Variants in ABCD4 observed in about 807,000 individuals in gnomAD.
ABCD4 encodes ATP binding cassette subfamily D member 4.
A neutral mutation model predicts 86.3 loss-of-function variants in ABCD4; 53 were observed. The observed-to-expected ratio is 0.61, with a 90% CI of 0.49 to 0.77. The LOEUF (loss-of-function observed/expected upper bound fraction) is 0.77. ABCD4 is among the 30% of genes least tolerant of loss of function. The pLI, the probability that ABCD4 is intolerant of heterozygous loss-of-function variation, is 0.00. For missense variants in ABCD4, 757 were observed against 764.5 expected (o/e 0.99, Z 0.12); for synonymous variants, 328 against 313.6 (o/e 1.05, Z -0.49).
intron 13 of ABCD4, chr14:74,289,722 C>A: frequency 7.0e-7 from 1 of 1,435,878 alleles, no homozygotes; most frequent in Non-Finnish European, 9.1e-7. Flanking sequence ...TTAGGGGGAA[C>A]AGTCTGACAG....
Position 74,286,394 on chromosome 14 carries a change from T to A in ABCD4, c.*67A>T. Reference sequence around the variant, plus strand: ...ACCTGAGCTCGATCTTCGCTGTCAGTCCTCCTGGTCTCTCCTGAGGGCCGC... The same window carrying A: ...ACCTGAGCTCGATCTTCGCTGTCAGACCTCCTGGTCTCTCCTGAGGGCCGC... On this transcript the variant is annotated 3_prime_UTR_variant, in exon 19 of 19. Transcript: ENST00000356924. 6.4e-7 allele frequency: 1 copy of A among 1,554,164 alleles called. No individual in the cohort carries two copies. Among genetic ancestry groups the A allele is most frequent in the Non-Finnish European group, 8.9e-7 (1 of 1,127,514 alleles).
In ABCD4 at chr14:74,293,256, G is replaced by T; in HGVS notation, c.720-8C>A. 6.2e-7 allele frequency: 1 copy of T among 1,613,896 alleles called. No individual in the cohort carries two copies. Among genetic ancestry groups the T allele is most frequent in the Non-Finnish European group, 8.5e-7 (1 of 1,179,850 alleles). On this transcript the variant is annotated splice_polypyrimidine_tract_variant and splice_region_variant and intron_variant, in intron 7 of 18. Coordinates refer to ENST00000356924, the MANE Select transcript of ABCD4 (RefSeq NM_005050.4). ...TGCTCCACATGCCCAGCTCTGACAA[G>T]GAAAGGCTGGGATGTCCACAGGGCT...
chr14:74,299,385 T>A, intron 3 of ABCD4, 163 bp downstream of exon 3: 1 of 864,890 alleles, frequency 1.2e-6, no homozygotes, highest in Non-Finnish European at 1.8e-6. Context: ...AATAGCAAGA[T>A]CAACGTGCTT....
rs749181341 is a variant in ABCD4, at chr14:74,302,916, C to T, written c.-4G>A. 4 of 1,608,206 alleles carry T rather than the reference C, an allele frequency of 2.5e-6. No homozygotes were observed. The highest frequency in any genetic ancestry group is 3.4e-6 in the Non-Finnish European group (4 of 1,177,666). ...GCGCGGGCCCCGCGACCGCCATGAC[C>T]TGAGACCCGAGGGACTCTGGAGCCC... is the stretch of plus-strand genomic sequence containing the variant. On this transcript the variant is annotated 5_prime_UTR_variant, in exon 1 of 19. Coordinates refer to ENST00000356924, the MANE Select transcript of ABCD4 (RefSeq NM_005050.4).
intron 15 of ABCD4, chr14:74,288,511 T>C: frequency 1.5e-6 from 1 of 669,874 alleles, no homozygotes; most frequent in Non-Finnish European, 2.5e-6. Flanking sequence ...AATCCTATTC[T>C]TGTTTTAAAA....
intron 5 of ABCD4, 127 bp from the exon 6 acceptor site, chr14:74,296,106 C>A (rs2082778665): frequency 7.6e-7 from 1 of 1,320,210 alleles, no homozygotes; most frequent in African/African-American, 1.5e-5. Flanking sequence ...AATGGGCCCT[C>A]TGCTCCTATG....
At chr14:74,291,448 C>T (rs1418816370) in intron 11 of ABCD4, among the ~76,000 whole-genome samples, 10 of 152,168 alleles carry the variant, frequency 6.6e-5, no homozygotes, top group African/African-American at 2.2e-4. Context: ...AATTCTAATG[C>T]TGGTGGGTCT....
chr14:74,299,425 G>A, intron 3 of ABCD4, 123 bp downstream of exon 3: 1 of 1,273,560 alleles, frequency 7.9e-7, no homozygotes, highest in Non-Finnish European at 1.1e-6. Flanking sequence ...TTAGTTCCCA[G>A]AAAAGGGAGG....
rs1265630293 is a variant in ABCD4, at chr14:74,297,964, T to C, written c.391A>G (p.Thr131Ala). The change falls in exon 4 of 19, where the codon ACC becomes GCC. Residue 131 changes from threonine to alanine, a missense_variant. Thr to Ala is a moderately conservative substitution (Grantham distance 58). Transcript: ENST00000356924. Reference sequence around the variant, plus strand: ...ATGTCATCCCGCAGCACGTTGAGGGTGTAGTACGCACGGCCCCGGAAGTAG... The same window carrying C: ...ATGTCATCCCGCAGCACGTTGAGGGCGTAGTACGCACGGCCCCGGAAGTAG... The part of the protein sequence containing the change: ...RLYFRGRAYY[T>A]LNVLRDDIDN... 1 of 1,613,798 alleles carries C rather than the reference T, an allele frequency of 6.2e-7. No homozygotes were observed. The highest frequency in any genetic ancestry group is 1.7e-5 in the Admixed American group (1 of 59,920).
rs201586690 is a variant in ABCD4 at position 74,290,301 on chromosome 14, C to T, written c.1317G>A (p.Thr439=). ...GGGCCTGGCTCTCACCCCGTGTACT[C>T]GTCCAGAGGCCACCCAGAACCCGGA... ...SLLRVLGGLW[T]STRGSVQMLT... Residue 439 remains threonine (T), a synonymous_variant, in exon 12 of 19, where the codon ACG becomes ACA. Transcript: ENST00000356924. 7.4e-6 allele frequency: 12 copies of T among 1,614,200 alleles called. No homozygotes were observed. Among genetic ancestry groups the T allele is most frequent in the East Asian group, 2.2e-5 (1 of 44,890 alleles).
intron 10 of ABCD4, 78 bp downstream of exon 10, chr14:74,292,471 CTG>C: frequency 6.3e-7 from 1 of 1,591,086 alleles, no homozygotes; most frequent in Non-Finnish European, 8.6e-7. Context: ...TGGTATGTCT[CTG>C]TTCCTTTTTT....
chr14:74,292,087 C>CG lies in ABCD4; in HGVS notation c.1118+199dup, dbSNP rs11410918. On this transcript the variant is annotated intron_variant, in intron 11 of 18. Transcript: ENST00000356924. Reference sequence around the variant, plus strand: ...GTGTGTGTACTTTGCTTCCACTGGCCGGGGAATGGTGTAAATTAACACAAC... The same window carrying CG: ...GTGTGTGTACTTTGCTTCCACTGGCCGGGGGAATGGTGTAAATTAACACAAC... 0.065 allele frequency among the ~76,000 whole-genome samples: 9,836 copies of CG among 152,094 alleles called. 1,077 individuals carry two copies. Among genetic ancestry groups the CG allele is most frequent in the African/African-American group, 0.22 (9,324 of 41,442 alleles).
At chr14:74,299,252 C>T (rs1004561450) in intron 3 of ABCD4, 11 of 263,380 alleles carry the variant, frequency 4.2e-5, no homozygotes, top group African/African-American at 6.7e-5. Flanking sequence ...AATGAGCTGC[C>T]GGAAATAAGA....
Position 74,286,509 on chromosome 14 carries a change from T to C in ABCD4, c.1773A>G (p.Lys591=). 6.2e-7 allele frequency: 1 copy of C among 1,614,076 alleles called. No homozygotes were observed. Among genetic ancestry groups the C allele is most frequent in the Non-Finnish European group, 8.5e-7 (1 of 1,180,006 alleles). ...GCTCCCATCTTCCTCCTCCACAGAG[T>C]TTCAGAACCAAGGAATGAAACTACA... ...SLEKFHSLVL[K]LCGGGRWELM... The change falls in exon 19 of 19, where the codon AAA becomes AAG. Residue 591 remains lysine, a synonymous_variant. Transcript: ENST00000356924.
At chr14:74,291,229 GC>G (rs2081402854) in intron 11 of ABCD4, among the ~76,000 whole-genome samples, 1 of 152,208 alleles carries the variant, frequency 6.6e-6, no homozygotes, top group Non-Finnish European at 1.5e-5. Flanking sequence ...GTTTAAGCCA[GC>G]CGGTTTGTGG....
Position 74,287,886 on chromosome 14 carries a change from C to T in ABCD4, c.1560G>A (p.Trp520Ter). The T allele has an allele frequency of 6.2e-7, 1 of 1,612,438 alleles. No homozygotes were observed. Among genetic ancestry groups the T allele is most frequent in the Non-Finnish European group, 8.5e-7 (1 of 1,179,148 alleles). The stretch of plus-strand genomic sequence containing the variant: ...TCTCCCCCGGGGACAGAACATCATA[C>T]CTGAGGAAAGGTAGGAGAGAGGACT... ...EGLDQQVDWN[W>*]YDVLSPGEMQ... Residue 520 changes from tryptophan (W) to a stop codon, truncating the protein, a stop_gained and splice_region_variant, in exon 17 of 19, where the codon TGG (tryptophan) becomes TGA (stop). Transcript: ENST00000356924. LOFTEE classifies it high-confidence loss of function.
chr14:74,299,258 T>C lies in ABCD4; in HGVS notation c.285+290A>G, dbSNP rs74063848. On this transcript the variant is annotated intron_variant, in intron 3 of 18. Coordinates refer to ENST00000356924, the MANE Select transcript of ABCD4 (RefSeq NM_005050.4). ...AGCCGTTTTAATGAGCTGCCGGAAA[T>C]AAGAGTTCTAGGAAGGAAAGGGGCA... 8,883 of 266,360 alleles carry C rather than the reference T, an allele frequency of 0.033. 808 individuals carry two copies. Among genetic ancestry groups the C allele is most frequent in the African/African-American group, 0.19 (8,314 of 44,860 alleles). The allele number at this position is 266,360 out of a possible 1,614,324, so 16.5% of individuals were successfully genotyped here.
At position 74,286,295 on chromosome 14, in the gene ABCD4, C is replaced by T. The variant is rs1270810022; in HGVS notation, c.*166G>A. ...TCAGTGTCCCCCACAGAAACCTAGA[C>T]CTGGGCTCAGCCCACCACTGCTAGG... On this transcript the variant is annotated 3_prime_UTR_variant, in exon 19 of 19. Coordinates refer to ENST00000356924, the MANE Select transcript of ABCD4 (RefSeq NM_005050.4). The T allele has an allele frequency of 4.5e-6, 3 of 669,498 alleles. No individual in the cohort carries two copies. The Admixed American group carries it at 8.3e-5, about 18-fold the overall frequency. 41.5% of individuals were successfully genotyped at this position (669,498 alleles called of 1,614,324 possible).
chr14:74,288,455 A>G (rs960983417), intron 15 of ABCD4, 196 bp from the exon 16 acceptor site: 3 of 653,430 alleles, frequency 4.6e-6, no homozygotes, highest in African/African-American at 3.7e-5. Flanking sequence ...GACACTGTTT[A>G]GACTTGCTGG....
Sources: gnomAD v4.1 joint callset for allele counts (sites outside exome capture counted in the v4.1 genomes callset) on GRCh38, gnomAD v4.1.1 for gene constraint, MANE v1.5 for transcripts, NCBI Gene and HGNC (gene_info 2026-07-23, HGNC 2026-07-21) for gene names.